The following NCKAP5 variants were observed in gnomAD, a reference collection of about 807,000 sequenced individuals.
NCKAP5 encodes NCK associated protein 5.
A neutral mutation model predicts 167.0 loss-of-function variants in NCKAP5; 92 were observed. That is an observed-to-expected ratio of 0.55 (90% CI 0.47 to 0.66). The LOEUF is 0.66. Ranked by LOEUF, NCKAP5 falls within the 30% of genes least tolerant of loss-of-function variation. The pLI, the probability that NCKAP5 is intolerant of heterozygous loss-of-function variation, is 0.00. For missense variants in NCKAP5, 2,378 were observed against 2,315.0 expected (o/e 1.03, Z -0.56); for synonymous variants, 891 against 877.4 (o/e 1.02, Z -0.27).
At chr2:132,781,367 C>T in intron 14 of NCKAP5, 138 bp from the exon 15 acceptor site, 1 of 710,538 alleles carries the variant, frequency 1.4e-6, no homozygotes, top group Non-Finnish European at 2.2e-6. Flanking sequence ...AAGGGTTTCT[C>T]ATGGGCCTTG....
At chr2:132,701,864 C>G (rs960029024) in intron 19 of NCKAP5, among the ~76,000 whole-genome samples, 1 of 152,162 alleles carries the variant, frequency 6.6e-6, no homozygotes, top group Non-Finnish European at 1.5e-5. Flanking sequence ...GGTGAGAGGA[C>G]AGCACTGGGT....
chr2:133,201,046 A>T (rs904503862), intron 5 of NCKAP5, among the ~76,000 whole-genome samples: 2 of 152,210 alleles, frequency 1.3e-5, no homozygotes, highest in Admixed American at 6.5e-5. Context: ...AACAACAATA[A>T]TAAAATAGAA....
intron 3 of NCKAP5, among the ~76,000 whole-genome samples, chr2:133,438,462 A>G (rs1162370580): frequency 6.6e-6 from 1 of 152,222 alleles, no homozygotes; most frequent in Non-Finnish European, 1.5e-5. Flanking sequence ...ACTTGAGAGG[A>G]TAAATAATCC....
At chr2:133,066,339 G>A (rs554629678) in intron 6 of NCKAP5, among the ~76,000 whole-genome samples, 8 of 152,170 alleles carry the variant, frequency 5.3e-5, no homozygotes, top group African/African-American at 1.9e-4. Flanking sequence ...TCTAAAACCC[G>A]TCTTCTTTTT....
chr2:133,484,878 C>A (rs1489279248), intron 3 of NCKAP5, among the ~76,000 whole-genome samples: 4 of 152,146 alleles, frequency 2.6e-5, no homozygotes, highest in Admixed American at 1.3e-4. Context: ...ACCAGTATGA[C>A]CATGGTATAA....
At chr2:133,516,463 A>T (rs184449750) in intron 3 of NCKAP5, among the ~76,000 whole-genome samples, 23 of 152,310 alleles carry the variant, frequency 1.5e-4, no homozygotes, top group Non-Finnish European at 3.1e-4. Flanking sequence ...CTAAGGAGAG[A>T]AGAACTTGAC....
chr2:133,329,350 AC>A (rs1480370419), intron 3 of NCKAP5, among the ~76,000 whole-genome samples: 1 of 152,174 alleles, frequency 6.6e-6, no homozygotes, highest in African/African-American at 2.4e-5. Flanking sequence ...AAGAGGGAGT[AC>A]CAAGCATGCC....
At chr2:133,120,614 C>T (rs1425922258) in intron 6 of NCKAP5, among the ~76,000 whole-genome samples, 4 of 152,162 alleles carry the variant, frequency 2.6e-5, no homozygotes, top group Non-Finnish European at 4.4e-5. Flanking sequence ...CTTCAGTTCA[C>T]CAAATTCCAT....
intron 4 of NCKAP5, among the ~76,000 whole-genome samples, chr2:133,224,344 A>G (rs1466187218): frequency 1.3e-5 from 2 of 152,202 alleles, no homozygotes; most frequent in Non-Finnish European, 2.9e-5. Context: ...ATGCTTCAGA[A>G]CAAAGATGGT....
At chr2:133,603,088 G>A in the NCKAP5 span, among the ~76,000 whole-genome samples, 1 of 152,158 alleles carries the variant, frequency 6.6e-6, no homozygotes, top group Non-Finnish European at 1.5e-5. Flanking sequence ...TAGCCAAAAA[G>A]TTAAAACCAT....
intron 3 of NCKAP5, among the ~76,000 whole-genome samples, chr2:133,502,096 A>G (rs1459512272): frequency 6.6e-6 from 1 of 152,216 alleles, no homozygotes; most frequent in Non-Finnish European, 1.5e-5. Flanking sequence ...TGATCCTTAT[A>G]TAAGCCCAGA....
intron 3 of NCKAP5, among the ~76,000 whole-genome samples, chr2:133,468,918 T>A (rs982927907): frequency 1.3e-5 from 2 of 152,216 alleles, no homozygotes; most frequent in East Asian, 3.8e-4. Context: ...GAACGTAAGA[T>A]GGGTTTCCTG....
chr2:132,858,853 C>T (rs1327314851), intron 11 of NCKAP5, among the ~76,000 whole-genome samples: 4 of 152,044 alleles, frequency 2.6e-5, no homozygotes, highest in Non-Finnish European at 4.4e-5. Flanking sequence ...ACCCATAGCA[C>T]GTGTGTTTAC....
intron 13 of NCKAP5, among the ~76,000 whole-genome samples, chr2:132,786,165 C>A (rs971671234): frequency 6.6e-6 from 1 of 152,004 alleles, no homozygotes; most frequent in Non-Finnish European, 1.5e-5. Flanking sequence ...CATAGGTTTG[C>A]CGTAGGTTAA....
intron 6 of NCKAP5, among the ~76,000 whole-genome samples, chr2:133,106,224 T>C (rs6749381): frequency 0.04 from 4,343 of 107,252 alleles, 141 homozygotes; most frequent in East Asian, 0.17. Context: ...ATGCAGGAGG[T>C]GGAGCTTGCA....
intron 16 of NCKAP5, among the ~76,000 whole-genome samples, chr2:132,748,375 A>G (rs1190694082): frequency 2.0e-5 from 3 of 152,242 alleles, no homozygotes; most frequent in Non-Finnish European, 2.9e-5. Context: ...CTGGCAGGGA[A>G]GATTGCCATG....
chr2:133,145,507 T>C (rs2083159612), intron 5 of NCKAP5, among the ~76,000 whole-genome samples: 1 of 151,940 alleles, frequency 6.6e-6, no homozygotes, highest in Admixed American at 6.6e-5. Flanking sequence ...TAAAGTAAAA[T>C]AAAATAAATA....
the NCKAP5 span, among the ~76,000 whole-genome samples, chr2:133,663,794 C>T: frequency 6.6e-6 from 1 of 152,166 alleles, no homozygotes; most frequent in African/African-American, 2.4e-5. Flanking sequence ...CCCTCAAAGT[C>T]ATCCATGAAG....
chr2:133,523,321 C>T (rs567258044), intron 2 of NCKAP5, among the ~76,000 whole-genome samples: 1 of 151,820 alleles, frequency 6.6e-6, no homozygotes, highest in South Asian at 2.1e-4. Flanking sequence ...CACACACACA[C>T]ACACATACTC....
Sources: allele counts gnomAD v4.1 joint callset (sites outside exome capture counted in the v4.1 genomes callset), GRCh38; gene constraint gnomAD v4.1.1; transcripts MANE v1.5; gene names NCBI Gene and HGNC (gene_info 2026-07-23, HGNC 2026-07-21).